Variants in TIAM1 observed in about 807,000 individuals in gnomAD.
TIAM1 encodes the protein rho guanine nucleotide exchange factor TIAM1.
TIAM1 carries 65 observed loss-of-function variants against 163.5 expected under a neutral mutation model. The observed-to-expected ratio is 0.40, with a 90% CI of 0.33 to 0.49. TIAM1 has a LOEUF of 0.49. TIAM1 is among the 20% of genes least tolerant of loss of function. The probability of loss-of-function intolerance (pLI) is 0.77; values close to 1 mark genes in which losing one functional copy is unlikely to be tolerated. For missense variants in TIAM1, 1,789 were observed against 2,044.7 expected, an observed-to-expected ratio of 0.87 and a Z score of 2.41; for synonymous variants, 833 against 810.1, an observed-to-expected ratio of 1.03 and a Z score of -0.48.
intron 2 of TIAM1, among the ~76,000 whole-genome samples, chr21:31,387,059 AC>A (rs1401419372): frequency 6.6e-6 from 1 of 151,908 alleles, no homozygotes; most frequent in Non-Finnish European, 1.5e-5. Context: ...CTGTGGCACC[AC>A]CTGCCAGACC....
chr21:31,448,412 C>G (rs1250019489), intron 2 of TIAM1, among the ~76,000 whole-genome samples: 1 of 152,092 alleles, frequency 6.6e-6, no homozygotes, highest in Non-Finnish European at 1.5e-5. Context: ...CGAGACCAGT[C>G]TGGCCAACAT....
chr21:31,387,749 C>T (rs904872054), intron 2 of TIAM1, among the ~76,000 whole-genome samples: 1 of 152,028 alleles, frequency 6.6e-6, no homozygotes, highest in Non-Finnish European at 1.5e-5. Context: ...CATAGTGGCC[C>T]GTGGTGAGCG....
chr21:31,416,966 C>T (rs1294375073), intron 2 of TIAM1, among the ~76,000 whole-genome samples: 5 of 152,290 alleles, frequency 3.3e-5, no homozygotes, highest in South Asian at 2.1e-4. Context: ...TCTGTTTTGA[C>T]GCTGCTGATA....
rs149729129 is a variant in TIAM1 at position 31,397,469 on chromosome 21, A to G, written c.-368-58047T>C. 5.3e-5 allele frequency among the ~76,000 whole-genome samples: 8 copies of G among 152,268 alleles called. No individual in the cohort carries two copies. The East Asian group carries it at 1.5e-3, about 29-fold the overall frequency. On this transcript the variant is annotated intron_variant, in intron 2 of 28. Transcript: ENST00000286827. ...GAAAAAAATTCAGAAGTAGAAACCA[A>G]TATACAAAAATCTTGATACCTGCCA...
intron 2 of TIAM1, among the ~76,000 whole-genome samples, chr21:31,446,001 C>T (rs2147312554): frequency 6.6e-6 from 1 of 152,194 alleles, no homozygotes; most frequent in Non-Finnish European, 1.5e-5. Flanking sequence ...AGTGCAGTGG[C>T]ACGATCTCAG....
At chr21:31,188,819 C>T (rs1269451198) in intron 13 of TIAM1, among the ~76,000 whole-genome samples, 1 of 152,048 alleles carries the variant, frequency 6.6e-6, no homozygotes, top group Non-Finnish European at 1.5e-5. Flanking sequence ...TGCGATCCTC[C>T]CACCTCAGCC....
chr21:31,537,620 T>C (rs1433629096), intron 1 of TIAM1, among the ~76,000 whole-genome samples: 3 of 151,896 alleles, frequency 2.0e-5, no homozygotes, highest in Non-Finnish European at 2.9e-5. Flanking sequence ...GGCATGGTGG[T>C]GGATGCGTGT....
At position 31,277,551 on chromosome 21, in the gene TIAM1, G is replaced by A. The variant is rs557505650; in HGVS notation, c.-188-643C>T. On this transcript the variant is annotated intron_variant, in intron 2 of 27. Transcript: ENST00000541036. ...TCCCAGATACTCAGGAGGCTGTGGC[G>A]GGAGAATCGCTGGAACCCGGGAGGT... Among the ~76,000 whole-genome samples, 11 of 152,270 alleles carry A rather than the reference G, an allele frequency of 7.2e-5. No individual in the cohort carries two copies. In the East Asian group the frequency reaches 7.7e-4, roughly 11 times the overall value.
At chr21:31,556,655 A>G (rs892214268) in intron 1 of TIAM1, among the ~76,000 whole-genome samples, 4 of 152,144 alleles carry the variant, frequency 2.6e-5, no homozygotes, top group Non-Finnish European at 5.9e-5. Flanking sequence ...TTGCCTAAAG[A>G]AAAGTAGCAG....
intron 2 of TIAM1, among the ~76,000 whole-genome samples, chr21:31,370,754 G>A (rs753464653): frequency 5.9e-5 from 9 of 152,098 alleles, no homozygotes; most frequent in Non-Finnish European, 1.2e-4. Context: ...TTGGACAGTG[G>A]ACTGTTTAAA....
At chr21:31,134,574 G>A (rs2082544728) in intron 23 of TIAM1, among the ~76,000 whole-genome samples, 1 of 152,076 alleles carries the variant, frequency 6.6e-6, no homozygotes, top group Non-Finnish European at 1.5e-5. Flanking sequence ...CCAGTGGAAC[G>A]ATCTCAGCTC....
chr21:31,395,304 A>G lies in TIAM1; in HGVS notation c.-368-55882T>C, dbSNP rs2077045872. On this transcript the variant is annotated intron_variant, in intron 2 of 28. Transcript: ENST00000286827. This position sits in a 1 kb window ranked among gnomAD's most constrained non-coding sequence, Gnocchi z 7.5. ...ATTGGAGCTCTCTGGAGATGTCACT[A>G]CGTCTCAGGGGGCTACTTCTAGAGA... Among the ~76,000 whole-genome samples the G allele has an allele frequency of 6.6e-6, 1 of 151,896 alleles. No homozygotes were observed. The highest frequency in any genetic ancestry group is 2.1e-4 in the South Asian group (1 of 4,816).
intron 1 of TIAM1, among the ~76,000 whole-genome samples, chr21:31,506,466 G>C (rs749508392): frequency 3.3e-5 from 5 of 152,122 alleles, no homozygotes; most frequent in Non-Finnish European, 7.3e-5. Context: ...TTGCTAAACT[G>C]AAAGTCTATA....
chr21:31,258,589 T>C (rs1235760389), intron 4 of TIAM1, among the ~76,000 whole-genome samples: 1 of 152,166 alleles, frequency 6.6e-6, no homozygotes, highest in African/African-American at 2.4e-5. Context: ...CCCAGCACTT[T>C]GGGAGGCCAA....
chr21:31,243,396 G>A lies in TIAM1; in HGVS notation c.1584+2092C>T, dbSNP rs189655767. On this transcript the variant is annotated intron_variant, in intron 6 of 27. Coordinates refer to ENST00000541036, the MANE Select transcript of TIAM1 (RefSeq NM_001353694.2). Reference sequence around the variant, plus strand: ...AAAAAAAAATGAACAGAGTCTCAGAGGCTTATGGGACTTCATCAAGCATAC... The same window carrying A: ...AAAAAAAAATGAACAGAGTCTCAGAAGCTTATGGGACTTCATCAAGCATAC... Among the ~76,000 whole-genome samples, 194 of 151,658 alleles carry A rather than the reference G, an allele frequency of 1.3e-3. 1 individual carries two copies. The highest frequency in any genetic ancestry group is 4.4e-3 in the African/African-American group (183 of 41,430).
intron 2 of TIAM1, among the ~76,000 whole-genome samples, chr21:31,316,312 G>A (rs566113483): frequency 7.9e-5 from 12 of 152,144 alleles, no homozygotes; most frequent in East Asian, 7.7e-4. Context: ...AAATCGTATC[G>A]TTTTATCACT....
chr21:31,432,303 G>C (rs1403327038), intron 2 of TIAM1, among the ~76,000 whole-genome samples: 1 of 152,030 alleles, frequency 6.6e-6, no homozygotes, highest in Non-Finnish European at 1.5e-5. Context: ...ATTTCACTAT[G>C]TTGGCCAGCA....
intron 1 of TIAM1, among the ~76,000 whole-genome samples, chr21:31,495,967 CAA>C (rs879271787): frequency 1.5e-5 from 2 of 135,916 alleles, no homozygotes. Flanking sequence ...GTGAGGGTCT[CAA>C]AAAAAAAAAA....
chr21:31,300,292 C>T (rs1315398916), intron 2 of TIAM1, among the ~76,000 whole-genome samples: 3 of 152,078 alleles, frequency 2.0e-5, no homozygotes, highest in African/African-American at 7.2e-5. Context: ...AACGGTGAGC[C>T]AATTAAACCT....
Sources: allele counts gnomAD v4.1 joint callset (sites outside exome capture counted in the v4.1 genomes callset), GRCh38; gene constraint gnomAD v4.1.1; non-coding constraint Gnocchi (gnomAD v3.1); transcripts MANE v1.5; gene names NCBI Gene and HGNC (gene_info 2026-07-23, HGNC 2026-07-21).